Variants in INO80 observed in about 807,000 individuals in gnomAD.
INO80 encodes the protein INO80 complex ATPase subunit.
Under a neutral mutation model 203.4 loss-of-function variants are expected in INO80, and 20 were observed. The observed-to-expected ratio is 0.10, with a 90% CI of 0.07 to 0.14. The LOEUF (loss-of-function observed/expected upper bound fraction) is 0.14, where lower values mean the gene tolerates loss of function less well. Among genes scored for constraint, INO80 ranks in the 10% least tolerant of loss-of-function variants. The pLI is 1.00. For synonymous variants in INO80, 726 were observed against 685.2 expected (o/e 1.06, Z -0.93); for missense variants, 1,419 against 1,914.4 (o/e 0.74, Z 4.83).
At position 41,104,614 on chromosome 15, in the gene INO80, T is replaced by G. The variant is rs1231226463; in HGVS notation, c.-43-8261A>C. On this transcript the variant is annotated intron_variant, in intron 1 of 35. Transcript: ENST00000648947. ...GTGCAGTGGTCCAATCTTGGCTCAC[T>G]GCAACCTCCGCCTCCCAGATTCAAG... 2.0e-5 allele frequency among the ~76,000 whole-genome samples: 3 copies of G among 151,986 alleles called. No homozygotes were observed. In the East Asian group the frequency reaches 5.8e-4, roughly 29 times the overall value.
At chr15:41,054,099 A>G (rs1312217234) in intron 18 of INO80, 85 bp from the exon 19 acceptor site, 2 of 944,322 alleles carry the variant, frequency 2.1e-6, no homozygotes, top group African/African-American at 3.3e-5. Flanking sequence ...ACCTCTCACC[A>G]AACTCTTCAA....
At chr15:40,998,854 A>G (rs1477001041) in intron 28 of INO80, among the ~76,000 whole-genome samples, 2 of 151,972 alleles carry the variant, frequency 1.3e-5, no homozygotes, top group Non-Finnish European at 2.9e-5. Flanking sequence ...TAGAGATGGG[A>G]TTTCACCATG....
intron 28 of INO80, among the ~76,000 whole-genome samples, chr15:41,000,584 A>G (rs1481510015): frequency 6.6e-6 from 1 of 151,756 alleles, no homozygotes; most frequent in East Asian, 1.9e-4. Context: ...AGTCTCAGCT[A>G]CTTGGGAGGC....
chr15:40,994,509 G>A (rs892328371), intron 29 of INO80, among the ~76,000 whole-genome samples: 2 of 147,940 alleles, frequency 1.4e-5, no homozygotes, highest in African/African-American at 5.0e-5. Context: ...GACTACAGGC[G>A]CCCACCACCA....
At chr15:41,005,954 T>G (rs1048988904) in intron 27 of INO80, among the ~76,000 whole-genome samples, 6 of 72,676 alleles carry the variant, frequency 8.3e-5, no homozygotes, top group African/African-American at 2.8e-4. Flanking sequence ...TCCTGTAGGT[T>G]TCATTAAAAA....
chr15:40,998,170 C>T (rs1478778741), intron 28 of INO80, among the ~76,000 whole-genome samples: 1 of 151,818 alleles, frequency 6.6e-6, no homozygotes. Context: ...TATAGGCGCT[C>T]GCCACCACAC....
chr15:41,076,569 T>G (rs777891380), intron 9 of INO80, among the ~76,000 whole-genome samples: 9 of 151,308 alleles, frequency 5.9e-5, no homozygotes, highest in Admixed American at 2.6e-4. Flanking sequence ...TGGCAAAACC[T>G]TGTTTCTACA....
chr15:41,027,926 T>C (rs769311484), intron 24 of INO80, 190 bp from the exon 25 acceptor site: 5 of 395,376 alleles, frequency 1.3e-5, no homozygotes, highest in Non-Finnish European at 2.3e-5. Context: ...AATTTCAAAA[T>C]GTGGTTTTAT....
At chr15:40,989,014 C>CA (rs55929719) in intron 29 of INO80, among the ~76,000 whole-genome samples, 5 of 144,842 alleles carry the variant, frequency 3.5e-5, no homozygotes, top group South Asian at 2.2e-4. Context: ...GCCTCCGTCT[C>CA]AAAAAAAAAA....
In INO80 at chr15:41,092,100, T is replaced by C. The variant is rs1418166285; in HGVS notation, c.464A>G (p.Glu155Gly). 2 of 1,612,976 alleles carry C rather than the reference T, an allele frequency of 1.2e-6. No individual in the cohort carries two copies. Among genetic ancestry groups the C allele is most frequent in the Admixed American group, 1.7e-5 (1 of 60,020 alleles). ...DDEEELNLSR[E>G]ELHNMLRLHK... ...TAGTCGAAGCATGTTGTGAAGTTCT[T>C]CTCTGCTGAGATTGAGTTCTTCTTC... is the stretch of plus-strand genomic sequence containing the variant. Residue 155 changes from glutamate to glycine, a missense_variant, in exon 5 of 36, where the codon GAA (glutamate) becomes GGA (glycine). Coordinates refer to ENST00000648947, the MANE Select transcript of INO80 (RefSeq NM_017553.3).
In INO80 at chr15:40,979,831, G is replaced by A. The variant is rs1893749381; in HGVS notation, c.*392C>T. ...CTTAAGAGAAATCTCTACCATGGAA[G>A]GCTCTTCACAGCACCTGCGGAGACT... On this transcript the variant is annotated 3_prime_UTR_variant, in exon 36 of 36. Transcript: ENST00000648947. 4.3e-6 allele frequency: 1 copy of A among 234,140 alleles called. No individual in the cohort carries two copies. Among genetic ancestry groups the A allele is most frequent in the Admixed American group, 5.1e-5 (1 of 19,606 alleles). The allele number at this position is 234,140 out of a possible 1,614,324, so 14.5% of individuals were successfully genotyped here.
intron 30 of INO80, 54 bp downstream of exon 30, chr15:40,987,762 G>T: frequency 6.5e-7 from 1 of 1,530,022 alleles, no homozygotes. Flanking sequence ...AGTCAATGTG[G>T]TTGGACTTTC....
intron 24 of INO80, among the ~76,000 whole-genome samples, chr15:41,036,296 A>G (rs968267117): frequency 6.6e-5 from 10 of 151,804 alleles, no homozygotes; most frequent in Admixed American, 2.0e-4. Context: ...AACATGTTAT[A>G]TAACTACTAC....
At chr15:41,079,658 C>T in intron 9 of INO80, 43 bp downstream of exon 9, 1 of 1,538,250 alleles carries the variant, frequency 6.5e-7, no homozygotes, top group South Asian at 1.1e-5. Flanking sequence ...CTTCAAATGG[C>T]TGTAGTAATT....
chr15:40,991,128 G>A (rs1030657265), intron 29 of INO80, among the ~76,000 whole-genome samples: 1 of 152,154 alleles, frequency 6.6e-6, no homozygotes, highest in African/African-American at 2.4e-5. Context: ...GATTCAACTT[G>A]TGTTCTTTTG....
intron 28 of INO80, among the ~76,000 whole-genome samples, chr15:41,000,006 CA>C (rs1405738861): frequency 6.6e-6 from 1 of 151,944 alleles, no homozygotes; most frequent in Non-Finnish European, 1.5e-5. Context: ...GCTGAGGCAG[CA>C]GGATCATTTG....
chr15:41,001,229 G>A (rs1046380807), intron 28 of INO80, among the ~76,000 whole-genome samples: 3 of 152,142 alleles, frequency 2.0e-5, no homozygotes, highest in African/African-American at 7.2e-5. Flanking sequence ...AGGCTGAAAA[G>A]GCATCTCAAC....
At chr15:41,068,648 A>G (rs1288492540) in intron 14 of INO80, among the ~76,000 whole-genome samples, 1 of 151,960 alleles carries the variant, frequency 6.6e-6, no homozygotes, top group African/African-American at 2.4e-5. Flanking sequence ...ACCTGAGGTC[A>G]AGAGTTTGAG....
intron 27 of INO80, among the ~76,000 whole-genome samples, chr15:41,009,775 T>A (rs1596255849): frequency 6.6e-6 from 1 of 152,094 alleles, no homozygotes; most frequent in East Asian, 1.9e-4. Context: ...TAAATTTAAA[T>A]TTTTATAGAG....
Sources: gnomAD v4.1 joint callset for allele counts (sites outside exome capture counted in the v4.1 genomes callset) on GRCh38, gnomAD v4.1.1 for gene constraint, MANE v1.5 for transcripts, NCBI Gene and HGNC (gene_info 2026-07-23, HGNC 2026-07-21) for gene names.